The following QPCT variants were observed in gnomAD, a reference collection of about 807,000 sequenced individuals.
QPCT encodes the protein EC.
QPCT carries 44 observed loss-of-function variants against 43.4 expected under a neutral mutation model. The ratio of observed to expected loss-of-function variants is 1.01; its 90% CI spans 0.80 to 1.30. QPCT has a LOEUF of 1.30. QPCT is among the 50% of genes most tolerant of loss of function. The probability of loss-of-function intolerance (pLI) is 0.00; values close to 1 mark genes in which losing one functional copy is unlikely to be tolerated. For synonymous variants in QPCT, 168 were observed against 168.4 expected (o/e 1.00, Z 0.02); for missense variants, 526 against 436.5 (o/e 1.21, Z -1.83).
At chr2:37,349,496 A>G (rs1478261568) in intron 1 of QPCT, among the ~76,000 whole-genome samples, 3 of 152,184 alleles carry the variant, frequency 2.0e-5, no homozygotes, top group African/African-American at 7.2e-5. Flanking sequence ...GAAACCAGCC[A>G]TTTAAACACA....
In QPCT at chr2:37,369,694, G is replaced by A. The variant is rs1275258605; in HGVS notation, c.733G>A (p.Val245Ile). Residue 245 changes from valine to isoleucine, a missense_variant, in exon 5 of 7, where the codon GTC (valine) becomes ATC (isoleucine). Val to Ile is a conservative substitution (Grantham distance 29). Coordinates refer to ENST00000338415, the MANE Select transcript of QPCT (RefSeq NM_012413.4). ...TSQLHGMDLL[V>I]LLDLIGAPNP... Reference sequence around the variant, plus strand: ...ACTTTTTCTCCCTCAGGATTTATTGGTCTTATTGGATTTGATTGGAGCTCC... The same window carrying A: ...ACTTTTTCTCCCTCAGGATTTATTGATCTTATTGGATTTGATTGGAGCTCC... The A allele has an allele frequency of 1.3e-6, 2 of 1,593,376 alleles. No homozygotes were observed. Among genetic ancestry groups the A allele is most frequent in the African/African-American group, 1.3e-5 (1 of 74,392 alleles).
intron 2 of QPCT, among the ~76,000 whole-genome samples, chr2:37,357,374 T>C (rs1389156646): frequency 2.6e-5 from 4 of 151,724 alleles, no homozygotes; most frequent in Admixed American, 1.3e-4. Context: ...GAAAAACTCA[T>C]GTTAGGTGCA....
At position 37,364,527 on chromosome 2, in the gene QPCT, G is replaced by C. The variant is rs556601390; in HGVS notation, c.547-2705G>C. Among the ~76,000 whole-genome samples the C allele has an allele frequency of 3.9e-5, 6 of 152,370 alleles. No homozygotes were observed. The South Asian group carries it at 1.2e-3, about 32-fold the overall frequency. On this transcript the variant is annotated intron_variant, in intron 3 of 6. Coordinates refer to ENST00000338415, the MANE Select transcript of QPCT (RefSeq NM_012413.4). ...ATGGTGAAGACATATTAGGCTCAAA[G>C]AAAACAAAGCAAATGAAAGAGAGGC...
chr2:37,372,259 C>T (rs955170717), intron 5 of QPCT, 97 bp from the exon 6 acceptor site: 9 of 864,828 alleles, frequency 1.0e-5, no homozygotes, highest in Non-Finnish European at 1.8e-5. Flanking sequence ...ATTATGGACA[C>T]ATGTGCTAAG....
intron 1 of QPCT, among the ~76,000 whole-genome samples, chr2:37,351,785 G>C (rs1400307578): frequency 1.3e-5 from 2 of 152,196 alleles, no homozygotes; most frequent in Admixed American, 6.5e-5. Context: ...GGGAGGCTGA[G>C]ACAGGAGAAT....
Position 37,372,907 on chromosome 2 carries a change from G to T in QPCT, c.*80G>T. ...CATCATTTAAAATAATCTGATTTCA[G>T]ACAAATGCTGTGTGGAAACATCTAT... is the stretch of plus-strand genomic sequence containing the variant. On this transcript the variant is annotated 3_prime_UTR_variant, in exon 7 of 7. Transcript: ENST00000338415. 2 of 1,279,140 alleles carry T rather than the reference G, an allele frequency of 1.6e-6. No homozygotes were observed. The highest frequency in any genetic ancestry group is 1.1e-6 in the Non-Finnish European group (1 of 930,048). 79.2% of individuals were successfully genotyped at this position (1,279,140 alleles called of 1,614,324 possible). A position where few individuals can be genotyped will look rare whatever the true frequency, so the allele number is the denominator to read the frequency against.
intron 2 of QPCT, among the ~76,000 whole-genome samples, chr2:37,355,100 T>C (rs1672712936): frequency 6.6e-6 from 1 of 152,224 alleles, no homozygotes; most frequent in Non-Finnish European, 1.5e-5. Flanking sequence ...AAATGAGATA[T>C]TTATGGACAG....
At chr2:37,345,835 CAA>C (rs70949752) in intron 1 of QPCT, among the ~76,000 whole-genome samples, 2,302 of 82,510 alleles carry the variant, frequency 0.028, 28 homozygotes, top group Middle Eastern at 0.063. Flanking sequence ...GACTCCGTCT[CAA>C]AAAAAAAAAA....
At chr2:37,362,523 G>A (rs753968230) in intron 3 of QPCT, among the ~76,000 whole-genome samples, 2 of 152,148 alleles carry the variant, frequency 1.3e-5, no homozygotes, top group East Asian at 1.9e-4. Context: ...AATGATTAGC[G>A]TACAAAATTA....
In QPCT at chr2:37,352,906, G is replaced by C; in HGVS notation, c.238G>C (p.Gly80Arg). The change falls in exon 2 of 7, where the codon GGA (glycine) becomes CGA (arginine). Residue 80 changes from glycine (G) to arginine (R), a missense_variant. Transcript: ENST00000338415. Reference protein sequence around the residue: ...LQPLLIERYPGSPGSYAARQH... With the variant: ...LQPLLIERYPRSPGSYAARQH... ...GCCATTGCTGATAGAGCGATACCCG[G>C]GATCCCCTGGAAGCTATGCTGCTCG... 1 of 1,613,996 alleles carries C rather than the reference G, an allele frequency of 6.2e-7. No homozygotes were observed. Among genetic ancestry groups the C allele is most frequent in the Non-Finnish European group, 8.5e-7 (1 of 1,179,924 alleles).
At chr2:37,357,562 A>G (rs3770749) in intron 2 of QPCT, among the ~76,000 whole-genome samples, 9,456 of 152,304 alleles carry the variant, frequency 0.062, 859 homozygotes, top group East Asian at 0.36. Flanking sequence ...AAAAAAGGTT[A>G]TAAACATTTC....
chr2:37,371,258 C>T (rs535143874), intron 5 of QPCT, among the ~76,000 whole-genome samples: 1 of 151,588 alleles, frequency 6.6e-6, no homozygotes, highest in Non-Finnish European at 1.5e-5. Flanking sequence ...TTTATTATGT[C>T]CTGTACCAGA....
chr2:37,352,366 T>C (rs141557319), intron 1 of QPCT, among the ~76,000 whole-genome samples: 129 of 152,308 alleles, frequency 8.5e-4, no homozygotes, highest in African/African-American at 3.0e-3. Flanking sequence ...TCTCCTTCTG[T>C]TGCCCAGCTG....
In QPCT at chr2:37,356,547, G is replaced by A. The variant is rs181316103; in HGVS notation, c.268-3033G>A. Among the ~76,000 whole-genome samples the A allele has an allele frequency of 1.3e-3, 199 of 152,296 alleles. 2 individuals are homozygous for A. The highest frequency in any genetic ancestry group is 4.6e-3 in the African/African-American group (191 of 41,556). On this transcript the variant is annotated intron_variant, in intron 2 of 6. Transcript: ENST00000338415. ...TTTGAATGATAGTAGTGGTCGTTTG[G>A]GGAGTTCCCCTAGAGACTTCTGGTG...
chr2:37,353,917 T>G (rs943962767), intron 2 of QPCT, among the ~76,000 whole-genome samples: 4 of 152,200 alleles, frequency 2.6e-5, no homozygotes, highest in Non-Finnish European at 5.9e-5. Context: ...CAGGCTGGAG[T>G]GCAGTGGCGC....
intron 1 of QPCT, among the ~76,000 whole-genome samples, chr2:37,348,314 G>C (rs1672549121): frequency 6.6e-6 from 1 of 152,140 alleles, no homozygotes; most frequent in Non-Finnish European, 1.5e-5. Context: ...AAGCTGTTGT[G>C]GTTAAAGCCC....
chr2:37,349,404 T>C (rs1672573112), intron 1 of QPCT, among the ~76,000 whole-genome samples: 1 of 152,222 alleles, frequency 6.6e-6, no homozygotes, highest in Non-Finnish European at 1.5e-5. Flanking sequence ...GTATCTCTTG[T>C]AGTTAAAGAT....
intron 1 of QPCT, among the ~76,000 whole-genome samples, chr2:37,346,554 G>A (rs1337176898): frequency 6.6e-6 from 1 of 152,196 alleles, no homozygotes; most frequent in Non-Finnish European, 1.5e-5. Context: ...GGGAAAAGGT[G>A]CTGTGATTCT....
At chr2:37,350,057 A>C (rs1467253786) in intron 1 of QPCT, among the ~76,000 whole-genome samples, 2 of 152,202 alleles carry the variant, frequency 1.3e-5, no homozygotes, top group African/African-American at 4.8e-5. Flanking sequence ...AAAGACAGAC[A>C]TTAAACAAGT....
Sources: allele counts gnomAD v4.1 joint callset (sites outside exome capture counted in the v4.1 genomes callset), GRCh38; gene constraint gnomAD v4.1.1; transcripts MANE v1.5; gene names NCBI Gene and HGNC (gene_info 2026-07-23, HGNC 2026-07-21).